The following BTN3A2 variants were observed in gnomAD, a reference collection of about 807,000 sequenced individuals.
BTN3A2 encodes the protein butyrophilin protein.
A neutral mutation model predicts 37.6 loss-of-function variants in BTN3A2; 25 were observed. The ratio of observed to expected loss-of-function variants is 0.66; its 90% confidence interval spans 0.48 to 0.93. BTN3A2 has a LOEUF of 0.93. Among genes scored for constraint, BTN3A2 ranks in the 40% least tolerant of loss-of-function variants. The pLI, the probability that BTN3A2 is intolerant of heterozygous loss-of-function variation, is 0.00. For synonymous variants in BTN3A2, 122 were observed against 159.4 expected (o/e 0.77, Z 1.77); for missense variants, 266 against 410.9 (o/e 0.65, Z 3.05).
Position 26,376,743 on chromosome 6 carries a change from T to C in BTN3A2, c.*981T>C. 3.1e-6 allele frequency: 5 copies of C among 1,596,204 alleles called. No homozygotes were observed. The highest frequency in any genetic ancestry group is 4.3e-6 in the Non-Finnish European group (5 of 1,164,016). ...AAGCTTCATGTCAGAGAGACACTAC[T>C]GGGAGGTGGAAGTGGGGGACAGAAA... On this transcript the variant is annotated 3_prime_UTR_variant, in exon 11 of 11. Transcript: ENST00000377708.
rs2113704460 is a variant in BTN3A2, at chr6:26,372,912, G to A, written c.731G>A (p.Ser244Asn). The A allele has an allele frequency of 6.2e-7, 1 of 1,613,666 alleles. No homozygotes were observed. Among genetic ancestry groups the A allele is most frequent in the Non-Finnish European group, 8.5e-7 (1 of 1,180,036 alleles). ...SISIADPFFR[S>N]AQPWIAALAG... ...CCCTTCGCAGACCCCTTCTTCAGGA[G>A]CGCCCAGCCCTGGATCGCAGCCCTG... The change falls in exon 6 of 11, where the codon AGC (serine) becomes AAC (asparagine). Residue 244 changes from serine (S) to asparagine (N), a missense_variant. Ser to Asn is a conservative substitution (Grantham distance 46, BLOSUM62 1). Coordinates refer to ENST00000377708, the MANE Select transcript of BTN3A2 (RefSeq NM_007047.5).
chr6:26,370,388 G>C lies in BTN3A2; in HGVS notation c.500G>C (p.Arg167Thr), dbSNP rs9379861. The C allele has an allele frequency of 0.017, 26,832 of 1,613,970 alleles. 423 individuals carry two copies. Among genetic ancestry groups the C allele is most frequent in the East Asian group, 0.07 (3,131 of 44,856 alleles). The change falls in exon 5 of 11, where the codon AGG (arginine) becomes ACG (threonine). Residue 167 changes from arginine to threonine, a missense_variant. Transcript: ENST00000377708. ...YEDGGIHLECRSTGWYPQPQI... is the reference protein window; with the variant it reads ...YEDGGIHLECTSTGWYPQPQI... ...GATGGAGGGATCCATCTGGAGTGCA[G>C]GTCCACCGGCTGGTACCCCCAACCC...
chr6:26,377,921 G>A lies in BTN3A2; in HGVS notation c.*2159G>A, dbSNP rs9104. ...GGGCATGTGACTTTGAAAGAGACTA[G>A]AGGCCACACTCAGTTAATAATGGGG... On this transcript the variant is annotated 3_prime_UTR_variant, in exon 11 of 11. Coordinates refer to ENST00000377708, the MANE Select transcript of BTN3A2 (RefSeq NM_007047.5). 0.16 allele frequency: 24,153 copies of A among 152,460 alleles called. 2,042 individuals are homozygous for A. Among genetic ancestry groups the A allele is most frequent in the African/African-American group, 0.22 (9,027 of 41,466 alleles). The allele number at this position is 152,460 out of a possible 1,614,324, so 9.4% of individuals were successfully genotyped here. A position where few individuals can be genotyped will look rare whatever the true frequency, so the allele number is the denominator to read the frequency against.
Position 26,373,264 on chromosome 6 carries a change from G to C in BTN3A2, c.917-12G>C. 9.8e-7 allele frequency: 1 copy of C among 1,017,580 alleles called. No homozygotes were observed. Among genetic ancestry groups the C allele is most frequent in the Non-Finnish European group, 1.3e-6 (1 of 776,234 alleles). The allele number at this position is 1,017,580 out of a possible 1,614,324, so 63.0% of individuals were successfully genotyped here. A position where few individuals can be genotyped will look rare whatever the true frequency, so the allele number is the denominator to read the frequency against. On this transcript the variant is annotated splice_polypyrimidine_tract_variant and intron_variant, in intron 6 of 10. Coordinates refer to ENST00000377708, the MANE Select transcript of BTN3A2 (RefSeq NM_007047.5). ...TTTTTTTTTTTTTTTTTTTTTTTTGGTTATTTTCCAGAGAGCCTCCAGGAG... is the reference window on the plus strand; with the variant it reads ...TTTTTTTTTTTTTTTTTTTTTTTTGCTTATTTTCCAGAGAGCCTCCAGGAG...
intron 9 of BTN3A2, 46 bp downstream of exon 9, chr6:26,374,419 C>T (rs768829523): frequency 1.9e-6 from 3 of 1,551,486 alleles, no homozygotes; most frequent in South Asian, 1.1e-5. Flanking sequence ...ACTTTTTCTC[C>T]ACTGTGACCC....
intron 1 of BTN3A2, among the ~76,000 whole-genome samples, chr6:26,366,210 T>A (rs1164069464): frequency 7.2e-6 from 1 of 138,420 alleles, no homozygotes; most frequent in African/African-American, 2.7e-5. Flanking sequence ...GAATTATTTT[T>A]AAAACTCTTT....
intron 10 of BTN3A2, 48 bp downstream of exon 10, chr6:26,374,846 T>C (rs762989547): frequency 6.8e-7 from 1 of 1,479,126 alleles, no homozygotes; most frequent in African/African-American, 1.4e-5. Flanking sequence ...TGAGGGACTA[T>C]ATTCCTTTTT....
intron 10 of BTN3A2, chr6:26,375,414 C>CAG: frequency 2.2e-6 from 1 of 452,938 alleles, no homozygotes; most frequent in Non-Finnish European, 4.0e-6. Context: ...GAGAAGAGTC[C>CAG]TCGGGCCTTG....
At chr6:26,374,306 T>C (rs1760479455) in intron 8 of BTN3A2, 21 bp from the exon 9 acceptor site, 1 of 1,526,806 alleles carries the variant, frequency 6.5e-7, no homozygotes, top group Non-Finnish European at 8.9e-7. Flanking sequence ...TGGTGACACC[T>C]CTACCTTTCT....
intron 5 of BTN3A2, chr6:26,372,559 A>C: frequency 7.9e-6 from 2 of 254,016 alleles, no homozygotes; most frequent in Non-Finnish European, 1.5e-5. Flanking sequence ...GACAGGGTGA[A>C]TGAGAGAGTT....
In BTN3A2 at chr6:26,374,201, TAAAAAAAAAAAAAAAAAAAAAAA is replaced by T. The variant is rs34655395; in HGVS notation, c.965-109_965-87del. ...GAGACCATGGGGAAGGGTGGGATGG[TAAAAAAAAAAAAAAAAAAAAAAA>T]AAAAAAAAAAAAAAAAGACTAGATG... On this transcript the variant is annotated intron_variant, in intron 8 of 10. Coordinates refer to ENST00000377708, the MANE Select transcript of BTN3A2 (RefSeq NM_007047.5). 2,122 of 246,500 alleles carry T rather than the reference TAAAAAAAAAAAAAAAAAAAAAAA, an allele frequency of 8.6e-3. 16 individuals carry two copies. Among genetic ancestry groups the T allele is most frequent in the Middle Eastern group, 0.023 (19 of 842 alleles). 15.3% of individuals were successfully genotyped at this position (246,500 alleles called of 1,614,324 possible).
Position 26,370,441 on chromosome 6 carries a change from G to C in BTN3A2, c.553G>C (p.Glu185Gln). The C allele has an allele frequency of 6.2e-7, 1 of 1,614,220 alleles. No homozygotes were observed. The highest frequency in any genetic ancestry group is 8.5e-7 in the Non-Finnish European group (1 of 1,180,036). Residue 185 changes from glutamate to glutamine, a missense_variant, in exon 5 of 11, where the codon GAG becomes CAG. Coordinates refer to ENST00000377708, the MANE Select transcript of BTN3A2 (RefSeq NM_007047.5). The stretch of plus-strand genomic sequence containing the variant: ...AATACAGTGGAGCAACGCCAAGGGA[G>C]AGAACATCCCAGCTGTGGAAGCACC... ...PQIQWSNAKGENIPAVEAPVV... is the reference protein window; with the variant it reads ...PQIQWSNAKGQNIPAVEAPVV...
intron 4 of BTN3A2, among the ~76,000 whole-genome samples, chr6:26,369,971 T>A (rs2113688471): frequency 6.6e-6 from 1 of 152,352 alleles, no homozygotes; most frequent in South Asian, 2.1e-4. Flanking sequence ...GCTTATTCAC[T>A]GGCTTCCTTA....
chr6:26,370,612 C>G lies in BTN3A2; in HGVS notation c.715+9C>G, dbSNP rs771659400. Reference sequence around the variant, plus strand: ...CAGCATTTCCATCGCAGGTCAGTACCTGCTTGGCCTCAGGTTTTCTGAGCT... The same window carrying G: ...CAGCATTTCCATCGCAGGTCAGTACGTGCTTGGCCTCAGGTTTTCTGAGCT... On this transcript the variant is annotated intron_variant, in intron 5 of 10. Coordinates refer to ENST00000377708, the MANE Select transcript of BTN3A2 (RefSeq NM_007047.5). 9 of 1,613,694 alleles carry G rather than the reference C, an allele frequency of 5.6e-6. No homozygotes were observed. Among genetic ancestry groups the G allele is most frequent in the Non-Finnish European group, 4.2e-6 (5 of 1,179,646 alleles).
intron 1 of BTN3A2, among the ~76,000 whole-genome samples, chr6:26,365,697 C>A (rs1359816203): frequency 6.6e-6 from 1 of 151,960 alleles, no homozygotes; most frequent in Non-Finnish European, 1.5e-5. Context: ...AAAGGGCAAA[C>A]AAACAAACAA....
In BTN3A2 at chr6:26,376,841, C is replaced by A; in HGVS notation, c.*1079C>A. On this transcript the variant is annotated 3_prime_UTR_variant, in exon 11 of 11. Coordinates refer to ENST00000377708, the MANE Select transcript of BTN3A2 (RefSeq NM_007047.5). ...TTTGGGTCAAAATGACACCGGAGAA[C>A]GGATACTGGACTATGGGCCTGACTG... is the stretch of plus-strand genomic sequence containing the variant. 1.2e-6 allele frequency: 2 copies of A among 1,613,906 alleles called. No individual in the cohort carries two copies. Among genetic ancestry groups the A allele is most frequent in the Admixed American group, 3.3e-5 (2 of 60,006 alleles).
In BTN3A2 at chr6:26,367,995, T is replaced by C; in HGVS notation, c.-61T>C. On this transcript the variant is annotated 5_prime_UTR_variant, in exon 2 of 11. Coordinates refer to ENST00000377708, the MANE Select transcript of BTN3A2 (RefSeq NM_007047.5). ...AACAGATATTATTTTTACAGATGGTTTTCCATACTGGAACCCAAAGGTAAA... is the reference window on the plus strand; with the variant it reads ...AACAGATATTATTTTTACAGATGGTCTTCCATACTGGAACCCAAAGGTAAA... The C allele has an allele frequency of 7.2e-7, 1 of 1,390,702 alleles. No homozygotes were observed. 86.1% of individuals were successfully genotyped at this position (1,390,702 alleles called of 1,614,324 possible). A position where few individuals can be genotyped will look rare whatever the true frequency, so the allele number is the denominator to read the frequency against.
chr6:26,376,296 A>T lies in BTN3A2; in HGVS notation c.*534A>T, dbSNP rs1456237669. On this transcript the variant is annotated 3_prime_UTR_variant, in exon 11 of 11. Coordinates refer to ENST00000377708, the MANE Select transcript of BTN3A2 (RefSeq NM_007047.5). ...GTGGGCAGAATCAATGTGGGGAGGGAAACAACAAAAATGTAGAAAGAGGAT... is the reference window on the plus strand; with the variant it reads ...GTGGGCAGAATCAATGTGGGGAGGGTAACAACAAAAATGTAGAAAGAGGAT... 1 of 202,768 alleles carries T rather than the reference A, an allele frequency of 4.9e-6. No homozygotes were observed. The highest frequency in any genetic ancestry group is 1.0e-5 in the Non-Finnish European group (1 of 99,746). The allele number at this position is 202,768 out of a possible 1,614,324, so 12.6% of individuals were successfully genotyped here. A position where few individuals can be genotyped will look rare whatever the true frequency, so the allele number is the denominator to read the frequency against.
chr6:26,370,661 G>C (rs1191989811), intron 5 of BTN3A2, 58 bp downstream of exon 5: 22 of 1,603,826 alleles, frequency 1.4e-5, no homozygotes, highest in Non-Finnish European at 1.6e-5. Context: ...TGAATGAAGG[G>C]GGATGTGTTA....
Sources: allele counts gnomAD v4.1 joint callset (sites outside exome capture counted in the v4.1 genomes callset), GRCh38; gene constraint gnomAD v4.1.1; transcripts MANE v1.5; gene names NCBI Gene and HGNC (gene_info 2026-07-23, HGNC 2026-07-21).